The following NUP133 variants were observed in gnomAD, a reference collection of about 807,000 sequenced individuals.
NUP133 encodes the protein nuclear pore complex protein Nup133.
In NUP133, 66 loss-of-function variants were observed where a neutral mutation model predicts 146.2. The observed-to-expected ratio is 0.45, with a 90% CI of 0.37 to 0.55. The LOEUF (loss-of-function observed/expected upper bound fraction) is 0.55, where lower values mean the gene tolerates loss of function less well. Ranked by LOEUF, NUP133 falls within the 20% of genes least tolerant of loss-of-function variation. The pLI is 0.00. For synonymous variants in NUP133, 521 were observed against 498.8 expected (o/e 1.04, Z -0.59); for missense variants, 1,277 against 1,374.8 (o/e 0.93, Z 1.12).
intron 14 of NUP133, among the ~76,000 whole-genome samples, chr1:229,474,270 C>T (rs1371404190): frequency 1.3e-5 from 2 of 152,230 alleles, no homozygotes; most frequent in African/African-American, 4.8e-5. Flanking sequence ...GCCTGATTAA[C>T]CCACAGAATT....
In NUP133 at chr1:229,482,265, G is replaced by A. The variant is rs374727369; in HGVS notation, c.1592+1789C>T. Among the ~76,000 whole-genome samples, 8 of 152,204 alleles carry A rather than the reference G, an allele frequency of 5.3e-5. No individual in the cohort carries two copies. In the East Asian group the frequency reaches 5.8e-4, roughly 11 times the overall value. ...AATCTGTTGTCTCTGTGAGTGAGCC[G>A]CTATGCATCAGACACCAGTATGAGT... On this transcript the variant is annotated intron_variant, in intron 12 of 25. Coordinates refer to ENST00000261396, the MANE Select transcript of NUP133 (RefSeq NM_018230.3).
chr1:229,489,939 C>A lies in NUP133; in HGVS notation c.1194+16G>T. 1 of 1,545,714 alleles carries A rather than the reference C, an allele frequency of 6.5e-7. No individual in the cohort carries two copies. Among genetic ancestry groups the A allele is most frequent in the East Asian group, 2.3e-5 (1 of 43,336 alleles). Reference sequence around the variant, plus strand: ...AACATATTATTGCTTTGTAATTTAACCAATATAAATCTTACCTGAAAAGGT... The same window carrying A: ...AACATATTATTGCTTTGTAATTTAAACAATATAAATCTTACCTGAAAAGGT... On this transcript the variant is annotated intron_variant, in intron 9 of 25. Transcript: ENST00000261396.
chr1:229,468,884 A>G (rs908937593), intron 15 of NUP133, among the ~76,000 whole-genome samples: 4 of 152,260 alleles, frequency 2.6e-5, no homozygotes, highest in Non-Finnish European at 5.9e-5. Flanking sequence ...AAAACAAAAC[A>G]TAACAAAGTG....
At position 229,498,775 on chromosome 1, in the gene NUP133, A is replaced by C. The variant is rs201004154; in HGVS notation, c.649-469T>G. ...TGTCTCGAAAAAAGAAAAAAAAAAAAAACAACTTTTGTAGCAGAAAAAAAT... is the reference window on the plus strand; with the variant it reads ...TGTCTCGAAAAAAGAAAAAAAAAAACAACAACTTTTGTAGCAGAAAAAAAT... On this transcript the variant is annotated intron_variant, in intron 5 of 25. Transcript: ENST00000261396. Among the ~76,000 whole-genome samples, 10 of 152,196 alleles carry C rather than the reference A, an allele frequency of 6.6e-5. No individual in the cohort carries two copies. In the South Asian group the frequency reaches 1.7e-3, roughly 25 times the overall value.
intron 11 of NUP133, among the ~76,000 whole-genome samples, chr1:229,485,786 G>A (rs1661334196): frequency 1.3e-5 from 2 of 152,130 alleles, no homozygotes. Context: ...GGATGAGGAA[G>A]ATAAAAAGAA....
At chr1:229,503,337 A>T in intron 2 of NUP133, among the ~76,000 whole-genome samples, 1 of 152,168 alleles carries the variant, frequency 6.6e-6, no homozygotes, top group Admixed American at 6.5e-5. Flanking sequence ...GATAAAGTAA[A>T]ACAAATAACA....
At chr1:229,496,174 A>C (rs1433382823) in intron 6 of NUP133, 127 bp from the exon 7 acceptor site, 1 of 774,224 alleles carries the variant, frequency 1.3e-6, no homozygotes. Context: ...TTGGGATTTA[A>C]AGAAAGTAGT....
intron 25 of NUP133, among the ~76,000 whole-genome samples, chr1:229,442,580 G>C (rs929560824): frequency 6.6e-6 from 1 of 151,954 alleles, no homozygotes; most frequent in Admixed American, 6.6e-5. Flanking sequence ...TTGACAAATA[G>C]AGAAAACTGG....
At chr1:229,458,402 G>C in intron 20 of NUP133, 106 bp from the exon 21 acceptor site, 1 of 1,091,086 alleles carries the variant, frequency 9.2e-7, no homozygotes, top group Non-Finnish European at 1.3e-6. Flanking sequence ...CCGTATCAAT[G>C]AATGAGAAGT....
rs541626541 is a variant in NUP133 at position 229,440,417 on chromosome 1, T to A, written c.*1487A>T. On this transcript the variant is annotated 3_prime_UTR_variant, in exon 26 of 26. Coordinates refer to ENST00000261396, the MANE Select transcript of NUP133 (RefSeq NM_018230.3). ...CTTCACACGGTAAGAGCAGTCGTTCTACGTCCACGCGATCAGTGGGTTCTG... is the reference window on the plus strand; with the variant it reads ...CTTCACACGGTAAGAGCAGTCGTTCAACGTCCACGCGATCAGTGGGTTCTG... 1 of 152,344 alleles carries A rather than the reference T, an allele frequency of 6.6e-6. No homozygotes were observed. Among genetic ancestry groups the A allele is most frequent in the South Asian group, 2.1e-4 (1 of 4,826 alleles). 9.4% of individuals were successfully genotyped at this position (152,344 alleles called of 1,614,324 possible).
chr1:229,447,738 G>A (rs570018695), intron 24 of NUP133, among the ~76,000 whole-genome samples: 12 of 152,292 alleles, frequency 7.9e-5, no homozygotes, highest in African/African-American at 2.6e-4. Context: ...CCTGGAAGGT[G>A]GAGGGCCAGA....
intron 2 of NUP133, among the ~76,000 whole-genome samples, chr1:229,502,679 A>G (rs1208445201): frequency 1.3e-5 from 2 of 151,764 alleles, no homozygotes; most frequent in East Asian, 1.9e-4. Flanking sequence ...CTTATTTCCT[A>G]TAAGACATAT....
At chr1:229,477,835 A>G in intron 12 of NUP133, 75 bp from the exon 13 acceptor site, 2 of 1,137,350 alleles carry the variant, frequency 1.8e-6, no homozygotes, top group Admixed American at 4.5e-5. Flanking sequence ...AAAATTAATT[A>G]TGGACTACTA....
In NUP133 at chr1:229,452,631, T is replaced by TG. The variant is rs1660478193; in HGVS notation, c.2992dup (p.Gln998ProfsTer13). 1 of 1,610,750 alleles carries TG rather than the reference T, an allele frequency of 6.2e-7. No individual in the cohort carries two copies. The highest frequency in any genetic ancestry group is 1.7e-5 in the Admixed American group (1 of 59,528). ...CTCCTGATGCAGTAGAAAGCGCTCC[T>TG]GCTCAGCCATTTCTAGTATTCAAGA... On this transcript the variant is annotated frameshift_variant, in exon 22 of 26. Coordinates refer to ENST00000261396, the MANE Select transcript of NUP133 (RefSeq NM_018230.3). LOFTEE classifies it high-confidence loss of function.
At chr1:229,501,164 G>A (rs1661789451) in intron 3 of NUP133, among the ~76,000 whole-genome samples, 1 of 152,186 alleles carries the variant, frequency 6.6e-6, no homozygotes, top group African/African-American at 2.4e-5. Context: ...GTTAAGATGA[G>A]TGCTTAGGCT....
intron 12 of NUP133, among the ~76,000 whole-genome samples, chr1:229,483,731 CAACTTATTTGCACCTT>C (rs1661277921): frequency 6.8e-6 from 1 of 146,598 alleles, no homozygotes; most frequent in African/African-American, 2.5e-5. Context: ...ACTTTGTAAG[CAACTTATTTGCACCTT>C]AACGTTATAC....
chr1:229,490,876 G>A (rs1301251185), intron 8 of NUP133, among the ~76,000 whole-genome samples: 4 of 151,806 alleles, frequency 2.6e-5, no homozygotes, highest in East Asian at 1.9e-4. Context: ...TCTTGAACCC[G>A]GGAGGTGGAG....
intron 24 of NUP133, 52 bp downstream of exon 24, chr1:229,449,074 G>C (rs981960483): frequency 2.1e-5 from 28 of 1,349,794 alleles, no homozygotes; most frequent in Non-Finnish European, 2.4e-5. Flanking sequence ...GGTGAGAGCA[G>C]AGGAAAAGCA....
In NUP133 at chr1:229,500,811, G is replaced by T. The variant is rs1184155441; in HGVS notation, c.458C>A (p.Ala153Asp). The part of the protein sequence containing the change: ...QLPPSDFHWS[A>D]DLVALSYSSP... ...AGAGTAAGAAAGAGCCACTAAGTCG[G>T]CACTCCAGTGGAAATCACTAGGTGG... Residue 153 changes from alanine to aspartate, a missense_variant, in exon 4 of 26, where the codon GCC becomes GAC. Around this residue, in one of 3 missense-constraint regions of NUP133, gnomAD observed 319 missense variants for 306.9 expected, o/e 1.04. Coordinates refer to ENST00000261396, the MANE Select transcript of NUP133 (RefSeq NM_018230.3). 6 of 1,612,650 alleles carry T rather than the reference G, an allele frequency of 3.7e-6. No homozygotes were observed. The African/African-American group carries it at 4.0e-5, about 11-fold the overall frequency.
Sources: allele counts gnomAD v4.1 joint callset (sites outside exome capture counted in the v4.1 genomes callset), GRCh38; gene constraint gnomAD v4.1.1; regional missense constraint gnomAD v4.1.1; transcripts MANE v1.5; gene names NCBI Gene and HGNC (gene_info 2026-07-23, HGNC 2026-07-21).